Variants in RAPH1 observed in about 807,000 individuals in gnomAD.
The protein encoded by RAPH1 is ras-associated and pleckstrin homology domains-containing protein 1.
In RAPH1, 18 loss-of-function variants were observed where a neutral mutation model predicts 88.1. The ratio of observed to expected loss-of-function variants is 0.20; its 90% CI spans 0.14 to 0.30. RAPH1 has a LOEUF of 0.30. Among genes scored for constraint, RAPH1 ranks in the 10% least tolerant of loss-of-function variants. The pLI is 1.00. For synonymous variants in RAPH1, 587 were observed against 559.0 expected (o/e 1.05, Z -0.71); for missense variants, 1,448 against 1,543.2 (o/e 0.94, Z 1.03).
chr2:203,496,657 G>A (rs1321595664), intron 1 of RAPH1, among the ~76,000 whole-genome samples: 6 of 152,192 alleles, frequency 3.9e-5, no homozygotes, highest in Admixed American at 6.5e-5. Context: ...GGTTTACAAA[G>A]TTATGGTAGG....
chr2:203,495,477 C>A (rs543712042), intron 1 of RAPH1, 124 bp from the exon 2 acceptor site: 1 of 933,224 alleles, frequency 1.1e-6, no homozygotes, highest in Non-Finnish European at 1.5e-6. Context: ...CTAGAAATTA[C>A]ATTCTAAAAG....
intron 9 of RAPH1, 80 bp from the exon 10 acceptor site, chr2:203,454,620 G>A (rs1461571835): frequency 4.9e-6 from 5 of 1,020,372 alleles, no homozygotes; most frequent in South Asian, 3.1e-5. Flanking sequence ...TTTTCTAGGT[G>A]AGAATCAAAA....
chr2:203,485,957 C>T (rs776877248), intron 4 of RAPH1, among the ~76,000 whole-genome samples: 1 of 151,914 alleles, frequency 6.6e-6, no homozygotes, highest in Non-Finnish European at 1.5e-5. Flanking sequence ...ACAATGGGGA[C>T]CATCCTCATG....
chr2:203,504,898 G>C (rs1419359376), intron 1 of RAPH1, among the ~76,000 whole-genome samples: 2 of 152,126 alleles, frequency 1.3e-5, no homozygotes, highest in Admixed American at 1.3e-4. Flanking sequence ...CAGTGTCTTT[G>C]CTAAAACATA....
chr2:203,446,842 C>A (rs2098510149), intron 12 of RAPH1: 1 of 150,956 alleles, frequency 6.6e-6, no homozygotes, highest in Admixed American at 6.6e-5. Context: ...CTTTTGGGCT[C>A]AAGCAATCCT....
intron 3 of RAPH1, 27 bp from the exon 4 acceptor site, chr2:203,490,116 C>T: frequency 6.5e-7 from 1 of 1,546,732 alleles, no homozygotes; most frequent in Non-Finnish European, 8.7e-7. Context: ...ATAATGTTTC[C>T]AGAATTTATA....
chr2:203,445,247 T>C, intron 12 of RAPH1: 1 of 409,416 alleles, frequency 2.4e-6, no homozygotes, highest in Non-Finnish European at 4.3e-6. Context: ...GACTGATAAT[T>C]ATAATAAATG....
Position 203,461,828 on chromosome 2 carries a change from G to C in RAPH1, c.810+20C>G, listed in dbSNP as rs369727071. ...AAACTGATAAAAAAATCCCAAACCA[G>C]GAAGAGGCCCACATATCACCTTTTT... On this transcript the variant is annotated intron_variant, in intron 5 of 13. Coordinates refer to ENST00000319170, the MANE Select transcript of RAPH1 (RefSeq NM_213589.3). 242 of 1,569,612 alleles carry C rather than the reference G, an allele frequency of 1.5e-4. No individual in the cohort carries two copies. Among genetic ancestry groups the C allele is most frequent in the Non-Finnish European group, 2.1e-4 (239 of 1,158,108 alleles).
intron 4 of RAPH1, among the ~76,000 whole-genome samples, chr2:203,487,984 A>G (rs1287985328): frequency 6.6e-6 from 1 of 152,226 alleles, no homozygotes; most frequent in Non-Finnish European, 1.5e-5. Flanking sequence ...ATTTTACTTT[A>G]GTACTGATTA....
rs1277788456 is a variant in RAPH1, at chr2:203,506,846, C to CTATATATATATCTCTATATA, written c.1-11494_1-11493insTATATAGAGATATATATATA. ...TATATATATATCTATATCTATATAT[C>CTATATATATATCTCTATATA]TATCTATATCTATATATATATATAT... On this transcript the variant is annotated intron_variant, in intron 1 of 13. Coordinates refer to ENST00000319170, the MANE Select transcript of RAPH1 (RefSeq NM_213589.3). 4.5e-5 allele frequency among the ~76,000 whole-genome samples: 3 copies of CTATATATATATCTCTATATA among 66,482 alleles called. 1 individual carries two copies. The highest frequency in any genetic ancestry group is 7.1e-5 in the Non-Finnish European group (3 of 42,406). 43.6% of individuals were successfully genotyped at this position (66,482 alleles called of 152,430 possible).
chr2:203,532,387 A>G (rs890124369), intron 1 of RAPH1, among the ~76,000 whole-genome samples: 1 of 152,202 alleles, frequency 6.6e-6, no homozygotes, highest in African/African-American at 2.4e-5. Context: ...AAATAGTTAA[A>G]ATGGTAATTT....
chr2:203,441,652 C>G, intron 13 of RAPH1: 1 of 1,321,588 alleles, frequency 7.6e-7, no homozygotes, highest in Admixed American at 3.7e-5. Flanking sequence ...GCTAGACCAT[C>G]TAACAATCTA....
chr2:203,443,493 C>T (rs2098506185), intron 13 of RAPH1: 1 of 152,110 alleles, frequency 6.6e-6, no homozygotes, highest in Non-Finnish European at 1.5e-5. Flanking sequence ...CTTGCAATAA[C>T]TATACTCATC....
chr2:203,529,652 T>G (rs1038068508), intron 1 of RAPH1, among the ~76,000 whole-genome samples: 2 of 152,118 alleles, frequency 1.3e-5, no homozygotes, highest in African/African-American at 4.8e-5. Flanking sequence ...CATGAGCCAC[T>G]GCACCCGGCC....
chr2:203,444,669 A>G lies in RAPH1; in HGVS notation c.1776+199T>C, dbSNP rs1231040687. On this transcript the variant is annotated intron_variant, in intron 13 of 13. Coordinates refer to ENST00000319170, the MANE Select transcript of RAPH1 (RefSeq NM_213589.3). ...TAAGTCATTAGAGCCAATTTGTAAA[A>G]TACTCATTTCCAAGGGGAAGTCAAA... 1.1e-5 allele frequency: 5 copies of G among 445,856 alleles called. No individual in the cohort carries two copies. The Admixed American group carries it at 1.6e-4, about 14-fold the overall frequency. The allele number at this position is 445,856 out of a possible 1,614,324, so 27.6% of individuals were successfully genotyped here.
chr2:203,452,966 A>G (rs1286188097), intron 10 of RAPH1, among the ~76,000 whole-genome samples: 1 of 152,130 alleles, frequency 6.6e-6, no homozygotes, highest in Non-Finnish European at 1.5e-5. Context: ...ATAGACAAAC[A>G]CACATTACAC....
chr2:203,433,750 C>A lies in RAPH1; in HGVS notation c.*5687G>T, dbSNP rs1445687188. On this transcript the variant is annotated 3_prime_UTR_variant, in exon 14 of 14. Transcript: ENST00000319170. The stretch of plus-strand genomic sequence containing the variant: ...TGTGTATGGCCTATGTTTTGGGTAC[C>A]CTGACATGAAATGCAAAACCAGATT... 1 of 152,186 alleles carries A rather than the reference C, an allele frequency of 6.6e-6. No homozygotes were observed. Among genetic ancestry groups the A allele is most frequent in the African/African-American group, 2.4e-5 (1 of 41,388 alleles). 9.4% of individuals were successfully genotyped at this position (152,186 alleles called of 1,614,324 possible). A position where few individuals can be genotyped will look rare whatever the true frequency, so the allele number is the denominator to read the frequency against.
chr2:203,456,557 A>C (rs2098519756), intron 8 of RAPH1, among the ~76,000 whole-genome samples: 1 of 152,220 alleles, frequency 6.6e-6, no homozygotes, highest in Non-Finnish European at 1.5e-5. Flanking sequence ...GTATTTGTGA[A>C]AGAAAAGAGA....
intron 4 of RAPH1, among the ~76,000 whole-genome samples, chr2:203,486,667 G>A (rs574942002): frequency 6.6e-6 from 1 of 152,210 alleles, no homozygotes; most frequent in East Asian, 1.9e-4. Context: ...ACTATTTAAC[G>A]CCATGCATGA....
Sources: gnomAD v4.1 joint callset for allele counts (sites outside exome capture counted in the v4.1 genomes callset) on GRCh38, gnomAD v4.1.1 for gene constraint, MANE v1.5 for transcripts, NCBI Gene and HGNC (gene_info 2026-07-23, HGNC 2026-07-21) for gene names.